Variants in FRRS1 observed in about 807,000 individuals in gnomAD.
FRRS1 encodes the protein ferric chelate reductase 1.
A neutral mutation model predicts 70.7 loss-of-function variants in FRRS1; 51 were observed. The ratio of observed to expected loss-of-function variants is 0.72; its 90% CI spans 0.58 to 0.91. The LOEUF is 0.91. FRRS1 is among the 40% of genes least tolerant of loss of function. The probability of loss-of-function intolerance (pLI) is 0.00; values close to 1 mark genes in which losing one functional copy is unlikely to be tolerated. For missense variants in FRRS1, 672 were observed against 726.0 expected, an observed-to-expected ratio of 0.93 and a Z score of 0.86; for synonymous variants, 225 against 238.7, an observed-to-expected ratio of 0.94 and a Z score of 0.53.
At chr1:99,719,703 A>C in intron 9 of FRRS1, 56 bp from the exon 10 acceptor site, 2 of 979,654 alleles carry the variant, frequency 2.0e-6, no homozygotes, top group South Asian at 2.7e-5. Flanking sequence ...CCTCAAATAA[A>C]AAAGGAATTG....
intron 11 of FRRS1, 147 bp from the exon 12 acceptor site, chr1:99,715,819 G>T: frequency 7.2e-5 from 32 of 444,304 alleles, no homozygotes; most frequent in South Asian, 7.1e-5. Flanking sequence ...TTGTAGCCAG[G>T]TTAAGAAAAA....
chr1:99,717,072 A>T (rs901686351), intron 11 of FRRS1, among the ~76,000 whole-genome samples: 2 of 152,182 alleles, frequency 1.3e-5, no homozygotes, highest in African/African-American at 4.8e-5. Context: ...TACTCAGTAC[A>T]GTGCAGTGGG....
At chr1:99,729,583 G>C in intron 8 of FRRS1, 67 bp downstream of exon 8, 1 of 972,324 alleles carries the variant, frequency 1.0e-6, no homozygotes. Context: ...GCACAGCCAC[G>C]CCAGTGATAG....
intron 7 of FRRS1, among the ~76,000 whole-genome samples, chr1:99,736,614 T>G (rs1368349764): frequency 9.8e-6 from 1 of 101,926 alleles, no homozygotes; most frequent in Admixed American, 9.8e-5. Flanking sequence ...CTCCGGGGAC[T>G]GTTGTGGGGT....
At chr1:99,715,724 G>T in intron 11 of FRRS1, 52 bp from the exon 12 acceptor site, 1 of 1,325,064 alleles carries the variant, frequency 7.5e-7, no homozygotes, top group Non-Finnish European at 1.1e-6. Flanking sequence ...TAAAAGAAAG[G>T]TGGTGTTGCA....
intron 7 of FRRS1, among the ~76,000 whole-genome samples, chr1:99,734,279 G>A (rs145026051): frequency 4.3e-4 from 66 of 152,224 alleles, no homozygotes; most frequent in African/African-American, 1.5e-3. Context: ...TAAAATTAAC[G>A]TTAAATTTTC....
At position 99,728,546 on chromosome 1, in the gene FRRS1, A is replaced by C; in HGVS notation, c.953T>G (p.Phe318Cys). The change falls in exon 9 of 17, where the codon TTT (phenylalanine) becomes TGT (cysteine). Residue 318 changes from phenylalanine (F) to cysteine (C), a missense_variant. Phe to Cys is a radical substitution (Grantham distance 205). Coordinates refer to ENST00000646001, the MANE Select transcript of FRRS1 (RefSeq NM_001361041.2). ...TATGTAATAGCTTGTGTTTAGATCA[A>C]ATCTATTCTTAACTCCAGGAAGGGT... ...NITLPGVKNR[F>C]DLNTSYYIFL... 1 of 1,613,228 alleles carries C rather than the reference A, an allele frequency of 6.2e-7. No individual in the cohort carries two copies. Among genetic ancestry groups the C allele is most frequent in the Non-Finnish European group, 8.5e-7 (1 of 1,179,176 alleles).
Position 99,709,107 on chromosome 1 carries a change from T to C in FRRS1, c.1700A>G (p.Lys567Arg). The C allele has an allele frequency of 5.6e-6, 9 of 1,613,294 alleles. No individual in the cohort carries two copies. The South Asian group carries it at 6.6e-5, about 12-fold the overall frequency. Reference protein sequence around the residue: ...TAVETEGHAFKKAVLAIYVCG... With the variant: ...TAVETEGHAFRKAVLAIYVCG... ...GACATAAATTGCCAACACTGCCTTT[T>C]TAAAAGCATGACCCTGAAAGAAAAA... is the stretch of plus-strand genomic sequence containing the variant. Residue 567 changes from lysine (K) to arginine (R), a missense_variant, in exon 17 of 17, where the codon AAA becomes AGA. Coordinates refer to ENST00000646001, the MANE Select transcript of FRRS1 (RefSeq NM_001361041.2).
chr1:99,753,757 G>A (rs980488071), intron 1 of FRRS1, among the ~76,000 whole-genome samples: 3 of 151,692 alleles, frequency 2.0e-5, no homozygotes, highest in African/African-American at 7.3e-5. Context: ...GGGCAACAGA[G>A]CAAGACTCCA....
intron 4 of FRRS1, 123 bp from the exon 5 acceptor site, chr1:99,742,396 T>C: frequency 1.6e-6 from 1 of 628,014 alleles, no homozygotes; most frequent in Non-Finnish European, 2.9e-6. Flanking sequence ...AAGACTATTT[T>C]ATTTAGAAGA....
chr1:99,709,640 A>G, intron 15 of FRRS1, among the ~76,000 whole-genome samples: 1 of 152,312 alleles, frequency 6.6e-6, no homozygotes, highest in Non-Finnish European at 1.5e-5. Flanking sequence ...ACATATGATA[A>G]CTATCCAGGT....
chr1:99,742,010 G>C (rs775311323), intron 5 of FRRS1, among the ~76,000 whole-genome samples, 169 bp downstream of exon 5: 1 of 152,220 alleles, frequency 6.6e-6, no homozygotes, highest in African/African-American at 2.4e-5. Flanking sequence ...AGTAGTTACA[G>C]AGTTGTAAAC....
chr1:99,751,498 A>G (rs1054047431), intron 1 of FRRS1, among the ~76,000 whole-genome samples: 1 of 152,146 alleles, frequency 6.6e-6, no homozygotes, highest in African/African-American at 2.4e-5. Context: ...GTGTTTTTTT[A>G]AATCCTGAAA....
Position 99,707,719 on chromosome 1 carries a change from A to G in FRRS1, c.*1309T>C, listed in dbSNP as rs1030889859. Among the ~76,000 whole-genome samples, 3 of 152,236 alleles carry G rather than the reference A, an allele frequency of 2.0e-5. No homozygotes were observed. Among genetic ancestry groups the G allele is most frequent in the African/African-American group, 4.8e-5 (2 of 41,458 alleles). On this transcript the variant is annotated 3_prime_UTR_variant, in exon 17 of 17. Coordinates refer to ENST00000646001, the MANE Select transcript of FRRS1 (RefSeq NM_001361041.2). ...CAAGGAAACAGGAACAAAGCAGTGC[A>G]GTACTTCGGTATTACAGCGCCACCC...
intron 7 of FRRS1, among the ~76,000 whole-genome samples, chr1:99,736,641 G>A (rs1184283913): frequency 8.0e-6 from 1 of 124,632 alleles, no homozygotes; most frequent in East Asian, 2.4e-4. Flanking sequence ...AGTGGGGAGG[G>A]ATAGCATTAG....
In FRRS1 at chr1:99,708,105, T is replaced by C. The variant is rs1425431988; in HGVS notation, c.*923A>G. Among the ~76,000 whole-genome samples, 1 of 152,202 alleles carries C rather than the reference T, an allele frequency of 6.6e-6. No homozygotes were observed. Among genetic ancestry groups the C allele is most frequent in the African/African-American group, 2.4e-5 (1 of 41,452 alleles). ...TTTCATTGCTAAGCAATTCATAATA[T>C]ATTTAAATGCTGGTAAAACCTACAA... is the stretch of plus-strand genomic sequence containing the variant. On this transcript the variant is annotated 3_prime_UTR_variant, in exon 17 of 17. Transcript: ENST00000646001.
At chr1:99,712,261 A>G in intron 13 of FRRS1, 98 bp from the exon 14 acceptor site, 2 of 983,020 alleles carry the variant, frequency 2.0e-6, no homozygotes, top group Non-Finnish European at 3.2e-6. Context: ...TTGTCTGGGA[A>G]TTAGATATCT....
At chr1:99,731,396 TA>T (rs1655375143) in intron 7 of FRRS1, among the ~76,000 whole-genome samples, 1 of 152,336 alleles carries the variant, frequency 6.6e-6, no homozygotes, top group Admixed American at 6.5e-5. Context: ...GTTCCACTTT[TA>T]AAAACTCTCA....
At chr1:99,733,187 T>G (rs978323913) in intron 7 of FRRS1, among the ~76,000 whole-genome samples, 3 of 152,030 alleles carry the variant, frequency 2.0e-5, no homozygotes, top group African/African-American at 7.3e-5. Flanking sequence ...AAAATTCCAA[T>G]GGCTGTGTGA....
Sources: gnomAD v4.1 joint callset for allele counts (sites outside exome capture counted in the v4.1 genomes callset) on GRCh38, gnomAD v4.1.1 for gene constraint, MANE v1.5 for transcripts, NCBI Gene and HGNC (gene_info 2026-07-23, HGNC 2026-07-21) for gene names.